SLC35F1: variants seen among roughly 807,000 people sequenced by gnomAD.
SLC35F1 encodes chromosome 6 open reading frame 169.
Under a neutral mutation model 48.7 loss-of-function variants are expected in SLC35F1, and 14 were observed. The ratio of observed to expected loss-of-function variants is 0.29; its 90% CI spans 0.19 to 0.45. The LOEUF (loss-of-function observed/expected upper bound fraction) is 0.45. Ranked by LOEUF, SLC35F1 falls within the 20% of genes least tolerant of loss-of-function variation. The pLI is 1.00. For missense variants in SLC35F1, 404 were observed against 500.0 expected (o/e 0.81, Z 1.83); for synonymous variants, 190 against 202.2 (o/e 0.94, Z 0.51).
chr6:118,178,365 G>C (rs10484292), intron 2 of SLC35F1, among the ~76,000 whole-genome samples: 4,790 of 152,078 alleles, frequency 0.031, 255 homozygotes, highest in African/African-American at 0.11. Flanking sequence ...CTGTTTTTTT[G>C]AAAGAGTTTT....
At chr6:117,999,239 G>T (rs1317909355) in intron 1 of SLC35F1, 2 of 1,596,478 alleles carry the variant, frequency 1.3e-6, no homozygotes, top group Non-Finnish European at 8.5e-7. Flanking sequence ...CCCAAAGGGA[G>T]TCAGCTGCAA....
intron 7 of SLC35F1, among the ~76,000 whole-genome samples, chr6:118,300,674 CA>C (rs1022569580): frequency 2.0e-5 from 3 of 152,002 alleles, no homozygotes; most frequent in African/African-American, 7.2e-5. Context: ...CAAATATGAA[CA>C]AAAAAGTCTA....
chr6:118,277,406 A>G lies in SLC35F1; in HGVS notation c.795-88A>G, dbSNP rs927312738. The G allele has an allele frequency of 3.3e-6, 4 of 1,195,508 alleles. No individual in the cohort carries two copies. In the South Asian group the frequency reaches 5.1e-5, roughly 15 times the overall value. 74.1% of individuals were successfully genotyped at this position (1,195,508 alleles called of 1,614,324 possible). Reference sequence around the variant, plus strand: ...TCTGGTTGCTTCATTATTTGTATACATCTGATAAGTGGGGGGGAAAAAAGA... The same window carrying G: ...TCTGGTTGCTTCATTATTTGTATACGTCTGATAAGTGGGGGGGAAAAAAGA... On this transcript the variant is annotated intron_variant, in intron 5 of 7. Coordinates refer to ENST00000360388, the MANE Select transcript of SLC35F1 (RefSeq NM_001029858.4).
At chr6:117,983,642 A>G (rs1250954789) in intron 1 of SLC35F1, among the ~76,000 whole-genome samples, 1 of 152,236 alleles carries the variant, frequency 6.6e-6, no homozygotes, top group Non-Finnish European at 1.5e-5. Flanking sequence ...GTTTTTAGAT[A>G]GGAAAAAAAG....
intron 1 of SLC35F1, among the ~76,000 whole-genome samples, chr6:118,111,590 T>C (rs190375791): frequency 2.8e-4 from 43 of 152,118 alleles, no homozygotes; most frequent in African/African-American, 9.9e-4. Context: ...CATAAAATAT[T>C]AGAAGTTCTT....
intron 2 of SLC35F1, among the ~76,000 whole-genome samples, chr6:118,226,318 A>G (rs1775217363): frequency 6.6e-6 from 1 of 152,240 alleles, no homozygotes; most frequent in African/African-American, 2.4e-5. Flanking sequence ...TCAAAAAGCT[A>G]GAAATAGAAC....
rs549193698 is a variant in SLC35F1, at chr6:117,915,194, G to A, written c.173+7295G>A. Among the ~76,000 whole-genome samples, 7 of 152,124 alleles carry A rather than the reference G, an allele frequency of 4.6e-5. No individual in the cohort carries two copies. The South Asian group carries it at 8.3e-4, about 18-fold the overall frequency. ...TATATATAATTTGATACAACCTAAC[G>A]AGAGTGTTTGAGATGTTTGAGTTAA... On this transcript the variant is annotated intron_variant, in intron 1 of 7. Coordinates refer to ENST00000360388, the MANE Select transcript of SLC35F1 (RefSeq NM_001029858.4).
At chr6:118,149,949 G>C (rs1774030932) in intron 1 of SLC35F1, among the ~76,000 whole-genome samples, 1 of 152,118 alleles carries the variant, frequency 6.6e-6, no homozygotes, top group South Asian at 2.1e-4. Context: ...CTAGCTGTAA[G>C]TTCTTGCACT....
At chr6:118,065,497 C>T (rs1006505285) in intron 1 of SLC35F1, among the ~76,000 whole-genome samples, 4 of 152,236 alleles carry the variant, frequency 2.6e-5, no homozygotes, top group Middle Eastern at 3.4e-3. Flanking sequence ...ATTACCCTGA[C>T]TTGATCATTA....
chr6:118,233,200 C>G (rs1304639054), intron 2 of SLC35F1, among the ~76,000 whole-genome samples: 1 of 152,170 alleles, frequency 6.6e-6, no homozygotes, highest in Non-Finnish European at 1.5e-5. Context: ...CTCTTGACCT[C>G]GTGATCTGCC....
chr6:118,170,967 T>G (rs1302711611), intron 2 of SLC35F1, among the ~76,000 whole-genome samples: 2 of 152,194 alleles, frequency 1.3e-5, no homozygotes, highest in African/African-American at 4.8e-5. Context: ...TTTATATACA[T>G]AATTATAATG....
intron 2 of SLC35F1, among the ~76,000 whole-genome samples, chr6:118,174,176 C>T (rs1774452917): frequency 6.6e-6 from 1 of 151,978 alleles, no homozygotes; most frequent in Non-Finnish European, 1.5e-5. Flanking sequence ...GTAAAAATGA[C>T]TAGACATGCA....
At chr6:117,961,602 A>C (rs1362327746) in intron 1 of SLC35F1, among the ~76,000 whole-genome samples, 1 of 152,190 alleles carries the variant, frequency 6.6e-6, no homozygotes, top group Non-Finnish European at 1.5e-5. Flanking sequence ...CATAAAGCAC[A>C]GATACACAGT....
intron 1 of SLC35F1, among the ~76,000 whole-genome samples, chr6:117,920,122 C>A (rs1038010736): frequency 1.3e-5 from 2 of 152,202 alleles, no homozygotes; most frequent in Non-Finnish European, 2.9e-5. Context: ...CTATCTGGAT[C>A]CTGCTGCAGG....
intron 1 of SLC35F1, among the ~76,000 whole-genome samples, chr6:117,956,260 A>G (rs756290206): frequency 1.3e-5 from 2 of 152,200 alleles, no homozygotes; most frequent in Non-Finnish European, 2.9e-5. Flanking sequence ...ACCGCACAGA[A>G]TGGAGCACCT....
intron 3 of SLC35F1, among the ~76,000 whole-genome samples, chr6:118,243,374 G>A (rs1391435812): frequency 2.6e-5 from 4 of 152,162 alleles, no homozygotes; most frequent in East Asian, 1.9e-4. Context: ...AGCACTTTGC[G>A]AGGCTCAGAC....
chr6:118,194,564 TTCTATCCTAAGGTAC>T (rs1774775282), intron 2 of SLC35F1, among the ~76,000 whole-genome samples: 1 of 152,190 alleles, frequency 6.6e-6, no homozygotes, highest in South Asian at 2.1e-4. Flanking sequence ...TAAGCCCGTG[TTCTATCCTAAGGTAC>T]CCCTCTTTAT....
chr6:118,238,410 C>T (rs1582746163), intron 3 of SLC35F1, among the ~76,000 whole-genome samples: 1 of 140,892 alleles, frequency 7.1e-6, no homozygotes, highest in East Asian at 2.1e-4. Context: ...GGTGATATAG[C>T]AAGATCCCAT....
At chr6:117,924,184 CAT>C (rs1491065497) in intron 1 of SLC35F1, among the ~76,000 whole-genome samples, 1 of 109,024 alleles carries the variant, frequency 9.2e-6, no homozygotes, top group African/African-American at 3.8e-5. Flanking sequence ...TATATACACA[CAT>C]AGGTACACAT....
Sources: gnomAD v4.1 joint callset for allele counts (sites outside exome capture counted in the v4.1 genomes callset) on GRCh38, gnomAD v4.1.1 for gene constraint, MANE v1.5 for transcripts, NCBI Gene and HGNC (gene_info 2026-07-23, HGNC 2026-07-21) for gene names.